Variants in PRMT7 observed in about 807,000 individuals in gnomAD.
The protein encoded by PRMT7 is protein arginine methyltransferase 7.
PRMT7 carries 75 observed loss-of-function variants against 85.4 expected under a neutral mutation model. The observed-to-expected ratio is 0.88, with a 90% confidence interval of 0.73 to 1.06. The LOEUF (loss-of-function observed/expected upper bound fraction) is 1.06, where lower values mean the gene tolerates loss of function less well. PRMT7 is among the 50% of genes least tolerant of loss of function. The probability of loss-of-function intolerance (pLI) is 0.00; values close to 1 mark genes in which losing one functional copy is unlikely to be tolerated. For synonymous variants in PRMT7, 397 were observed against 359.5 expected (o/e 1.10, Z -1.18); for missense variants, 868 against 915.2 (o/e 0.95, Z 0.67).
At chr16:68,356,932 C>T (rs2088660243) in intron 18 of PRMT7, 122 bp from the exon 19 acceptor site, 2 of 1,370,404 alleles carry the variant, frequency 1.5e-6, no homozygotes, top group South Asian at 1.4e-5. Flanking sequence ...CCTCAGTGGT[C>T]CTGGGCCATC....
At chr16:68,328,554 A>G (rs2083422860) in intron 5 of PRMT7, 1 of 158,396 alleles carries the variant, frequency 6.3e-6, no homozygotes, top group Non-Finnish European at 1.4e-5. Flanking sequence ...AAGGGTCAGT[A>G]CTGTCTGAGG....
chr16:68,311,181 T>G, intron 1 of PRMT7, 82 bp downstream of exon 1: 1 of 601,918 alleles, frequency 1.7e-6, no homozygotes, highest in Middle Eastern at 4.5e-4. Flanking sequence ...GCACCAGGGT[T>G]TCGGCAGAGG....
chr16:68,348,327 G>A lies in PRMT7; in HGVS notation c.1324-15G>A, dbSNP rs757794649. 5.1e-6 allele frequency: 8 copies of A among 1,560,588 alleles called. No homozygotes were observed. The highest frequency in any genetic ancestry group is 4.5e-5 in the East Asian group (2 of 44,494). On this transcript the variant is annotated splice_polypyrimidine_tract_variant and intron_variant, in intron 13 of 18. Coordinates refer to ENST00000441236, the MANE Select transcript of PRMT7 (RefSeq NM_019023.5). ...TTTAGTATGAATACAGTAATTTTAC[G>A]GTTTTCTTTCTAAGATCTTCAAGGC... is the stretch of plus-strand genomic sequence containing the variant.
intron 14 of PRMT7, among the ~76,000 whole-genome samples, chr16:68,349,271 G>A (rs1262762308): frequency 6.6e-6 from 1 of 152,000 alleles, no homozygotes; most frequent in Non-Finnish European, 1.5e-5. Flanking sequence ...CTCTCCCCGT[G>A]TCCCCCGCTT....
intron 3 of PRMT7, among the ~76,000 whole-genome samples, chr16:68,316,646 T>C (rs1392067910): frequency 6.6e-6 from 1 of 151,846 alleles, no homozygotes; most frequent in African/African-American, 2.4e-5. Flanking sequence ...ATGCCTGTAA[T>C]CCCAGCTTAC....
At chr16:68,335,647 C>G (rs1433746824) in intron 6 of PRMT7, among the ~76,000 whole-genome samples, 1 of 151,854 alleles carries the variant, frequency 6.6e-6, no homozygotes, top group Non-Finnish European at 1.5e-5. Context: ...CCCATTCACC[C>G]GTTTTACTGA....
downstream of PRMT7, chr16:68,358,759 G>A (rs922554030): frequency 6.6e-6 from 1 of 152,464 alleles, no homozygotes; most frequent in African/African-American, 2.4e-5. Flanking sequence ...CTTGGTATGG[G>A]CCTCGGGTGA....
intron 9 of PRMT7, among the ~76,000 whole-genome samples, chr16:68,343,250 G>A (rs964482744): frequency 2.6e-5 from 4 of 152,036 alleles, no homozygotes; most frequent in Non-Finnish European, 5.9e-5. Flanking sequence ...TCTTCGGAGC[G>A]CTACTATGTA....
In PRMT7 at chr16:68,352,303, A is replaced by G. The variant is rs150533140; in HGVS notation, c.1469A>G (p.Asn490Ser). 7.9e-5 allele frequency: 128 copies of G among 1,613,502 alleles called. No homozygotes were observed. In the African/African-American group the frequency reaches 1.4e-3, roughly 17 times the overall value. The change falls in exon 15 of 19, where the codon AAC (asparagine) becomes AGC (serine). Residue 490 changes from asparagine (N) to serine (S), a missense_variant. By Grantham distance (46) the Asn-to-Ser change is conservative. Coordinates refer to ENST00000441236, the MANE Select transcript of PRMT7 (RefSeq NM_019023.5). Reference protein sequence around the residue: ...FFTTSLLPWHNLYFWYVRTAV... With the variant: ...FFTTSLLPWHSLYFWYVRTAV... ...ACTACCAGCCTGCTGCCGTGGCACA[A>G]CCTCTACTTCTGGTACGTGCGGACC...
At chr16:68,347,329 G>A (rs1240037180) in intron 12 of PRMT7, 35 bp downstream of exon 12, 5 of 1,507,086 alleles carry the variant, frequency 3.3e-6, no homozygotes, top group Admixed American at 2.3e-5. Flanking sequence ...CTCCTGATGT[G>A]GGCTTGTGAG....
chr16:68,317,128 C>T (rs2081952150), intron 3 of PRMT7, among the ~76,000 whole-genome samples: 1 of 150,842 alleles, frequency 6.6e-6, no homozygotes, highest in African/African-American at 2.4e-5. Flanking sequence ...ATCCCAGGTA[C>T]TCGGGAGGCT....
intron 14 of PRMT7, among the ~76,000 whole-genome samples, chr16:68,349,040 A>C (rs1597448226): frequency 6.7e-6 from 1 of 149,800 alleles, no homozygotes; most frequent in Non-Finnish European, 1.5e-5. Flanking sequence ...TCTCCACCGC[A>C]CTCCTGTCTT....
chr16:68,344,980 T>A (rs75097891), intron 9 of PRMT7, among the ~76,000 whole-genome samples: 2 of 43,430 alleles, frequency 4.6e-5, no homozygotes, highest in African/African-American at 2.6e-4. Context: ...TTTTTTTTTT[T>A]ATTGCTAAAT....
In PRMT7 at chr16:68,356,742, A is replaced by C; in HGVS notation, c.1853A>C (p.His618Pro). ...SHAAVLWMEYHLTPECTLSTG... is the reference protein window; with the variant it reads ...SHAAVLWMEYPLTPECTLSTG... ...GCAGCGGTGCTATGGATGGAGTACC[A>C]CCTGACCCCGGAGTGCACGCTCAGC... is the stretch of plus-strand genomic sequence containing the variant. The change falls in exon 18 of 19, where the codon CAC (histidine) becomes CCC (proline). Residue 618 changes from histidine to proline, a missense_variant. By Grantham distance (77) the His-to-Pro change is moderately conservative (BLOSUM62 -2). Transcript: ENST00000441236. The C allele has an allele frequency of 1.2e-6, 2 of 1,611,452 alleles. No individual in the cohort carries two copies. The highest frequency in any genetic ancestry group is 1.7e-6 in the Non-Finnish European group (2 of 1,179,846).
chr16:68,345,126 C>T (rs1350639882), intron 9 of PRMT7, among the ~76,000 whole-genome samples: 5 of 152,270 alleles, frequency 3.3e-5, no homozygotes, highest in Admixed American at 6.5e-5. Flanking sequence ...TCCATAGTAT[C>T]GTCTAACATA....
intron 5 of PRMT7, chr16:68,328,130 C>T: frequency 3.1e-6 from 1 of 325,310 alleles, no homozygotes; most frequent in Non-Finnish European, 6.7e-6. Flanking sequence ...GAAGCAGCTC[C>T]ACTGTGAATG....
Position 68,339,853 on chromosome 16 carries a change from C to T in PRMT7, c.812C>T (p.Thr271Ile), listed in dbSNP as rs2085252516. 2 of 1,614,092 alleles carry T rather than the reference C, an allele frequency of 1.2e-6. No individual in the cohort carries two copies. The highest frequency in any genetic ancestry group is 1.3e-5 in the African/African-American group (1 of 74,954). Residue 271 changes from threonine to isoleucine, a missense_variant, in exon 9 of 19, where the codon ACA becomes ATA. Transcript: ENST00000441236. The part of the protein sequence containing the change: ...ACHSRRFEPL[T>I]SGRAQVVLSW... ...CATAGCAGGCGGTTTGAACCTCTGA[C>T]ATCTGGCCGAGCTCAGGTGGTTCTC...
chr16:68,351,461 C>T (rs1056700828), intron 14 of PRMT7: 2 of 152,530 alleles, frequency 1.3e-5, no homozygotes, highest in African/African-American at 4.8e-5. Flanking sequence ...TTCTAAATCA[C>T]ATTCCTTCTG....
intron 14 of PRMT7, among the ~76,000 whole-genome samples, chr16:68,351,231 C>A (rs1255131039): frequency 1.3e-5 from 2 of 152,182 alleles, no homozygotes; most frequent in Non-Finnish European, 2.9e-5. Context: ...TTTCCTGCTG[C>A]ATCTCCATCA....
Sources: allele counts gnomAD v4.1 joint callset (sites outside exome capture counted in the v4.1 genomes callset), GRCh38; gene constraint gnomAD v4.1.1; transcripts MANE v1.5; gene names NCBI Gene and HGNC (gene_info 2026-07-23, HGNC 2026-07-21).